Variants in PGM3 observed in about 807,000 individuals in gnomAD.
PGM3 encodes phosphoglucomutase 3.
Under a neutral mutation model 66.2 loss-of-function variants are expected in PGM3, and 40 were observed. The ratio of observed to expected loss-of-function variants is 0.60; its 90% CI spans 0.47 to 0.79. The LOEUF is 0.79. PGM3 is among the 30% of genes least tolerant of loss of function. The probability of loss-of-function intolerance (pLI) is 0.00; values close to 1 mark genes in which losing one functional copy is unlikely to be tolerated. For missense variants in PGM3, 537 were observed against 643.4 expected (o/e 0.83, Z 1.79); for synonymous variants, 191 against 224.2 (o/e 0.85, Z 1.32).
chr6:83,165,866 A>G lies in PGM3; in HGVS notation c.*3368T>C. 2 of 362,282 alleles carry G rather than the reference A, an allele frequency of 5.5e-6. No individual in the cohort carries two copies. The highest frequency in any genetic ancestry group is 2.9e-5 in the Admixed American group (1 of 34,956). 22.4% of individuals were successfully genotyped at this position (362,282 alleles called of 1,614,324 possible). Reference sequence around the variant, plus strand: ...TTGCAGTTTTTGGTGCATCTCATTGATTTGCTGAGCATACTTATCAGATGT... The same window carrying G: ...TTGCAGTTTTTGGTGCATCTCATTGGTTTGCTGAGCATACTTATCAGATGT... On this transcript the variant is annotated 3_prime_UTR_variant, in exon 13 of 13. Coordinates refer to ENST00000513973, the MANE Select transcript of PGM3 (RefSeq NM_015599.3).
chr6:83,157,390 TAGA>T, downstream of PGM3: 7 of 1,496,068 alleles, frequency 4.7e-6, no homozygotes, highest in Non-Finnish European at 6.5e-6. Context: ...ATGTGCTTAC[TAGA>T]TATTAACGAA....
Position 83,169,313 on chromosome 6 carries a change from T to C in PGM3, c.1550A>G (p.Asp517Gly). 6.2e-7 allele frequency: 1 copy of C among 1,613,276 alleles called. No individual in the cohort carries two copies. The highest frequency in any genetic ancestry group is 8.5e-7 in the Non-Finnish European group (1 of 1,179,246). ...CAAGCTCACTTCATGTGCAAGGTGA[T>C]CTGCACTTTCCTGCAAATTACATTA... ...YAEADSQESA[D>G]HLAHEVSLAV... is the part of the protein sequence containing the mutation. The change falls in exon 13 of 13, where the codon GAT becomes GGT. Residue 517 changes from aspartate to glycine, a missense_variant. Transcript: ENST00000513973.
Position 83,169,175 on chromosome 6 carries a change from T to C in PGM3, c.*59A>G. On this transcript the variant is annotated 3_prime_UTR_variant, in exon 13 of 13. Transcript: ENST00000513973. The stretch of plus-strand genomic sequence containing the variant: ...AAATCTCTTAGTACTGCCATTATTA[T>C]TGACAGTTTTGTAAAGACTTGTAAA... The C allele has an allele frequency of 2.5e-6, 4 of 1,598,800 alleles. No individual in the cohort carries two copies. Among genetic ancestry groups the C allele is most frequent in the South Asian group, 2.2e-5 (2 of 89,476 alleles).
chr6:83,183,177 G>T (rs956751826), intron 4 of PGM3, among the ~76,000 whole-genome samples, 199 bp from the exon 5 acceptor site: 2 of 152,016 alleles, frequency 1.3e-5, no homozygotes, highest in African/African-American at 4.8e-5. Flanking sequence ...ATATAAACAG[G>T]TAACAATGTA....
Position 83,193,259 on chromosome 6 carries a change from G to C in PGM3, c.-83C>G, listed in dbSNP as rs1050461723. 1.3e-5 allele frequency: 2 copies of C among 152,372 alleles called. No homozygotes were observed. Among genetic ancestry groups the C allele is most frequent in the Non-Finnish European group, 2.9e-5 (2 of 68,144 alleles). The allele number at this position is 152,372 out of a possible 1,614,324, so 9.4% of individuals were successfully genotyped here. A position where few individuals can be genotyped will look rare whatever the true frequency, so the allele number is the denominator to read the frequency against. ...CGTCTGCACCCAAACCCAGTCCTCA[G>C]AACCGCAGACGTGGCCCTGCGTGGC... On this transcript the variant is annotated 5_prime_UTR_variant, in exon 1 of 13. Transcript: ENST00000513973.
In PGM3 at chr6:83,166,525, C is replaced by CT; in HGVS notation, c.*2708dup. 1.5e-6 allele frequency: 1 copy of CT among 676,306 alleles called. No homozygotes were observed. Among genetic ancestry groups the CT allele is most frequent in the Non-Finnish European group, 2.7e-6 (1 of 376,200 alleles). 41.9% of individuals were successfully genotyped at this position (676,306 alleles called of 1,614,324 possible). On this transcript the variant is annotated 3_prime_UTR_variant, in exon 13 of 13. Coordinates refer to ENST00000513973, the MANE Select transcript of PGM3 (RefSeq NM_015599.3). ...TTTTGTCTAACATCATTTCCATAGTCTAAAATAAATATAAACAGCAATAAG... is the reference window on the plus strand; with the variant it reads ...TTTTGTCTAACATCATTTCCATAGTCTTAAAATAAATATAAACAGCAATAAG...
At chr6:83,149,352 C>G in the PGM3 span, among the ~76,000 whole-genome samples, 4 of 152,194 alleles carry the variant, frequency 2.6e-5, no homozygotes, top group East Asian at 5.8e-4. Context: ...TAGTCAGTCT[C>G]TCTTTCTTGC....
At chr6:83,164,657 C>G, downstream of PGM3, 1 of 1,571,124 alleles carries the variant, frequency 6.4e-7, no homozygotes, top group Non-Finnish European at 8.6e-7. Flanking sequence ...TTTCCTTCCA[C>G]AGGACAAGGA....
At chr6:83,163,063 T>A, downstream of PGM3, 1 of 799,382 alleles carries the variant, frequency 1.3e-6, no homozygotes, top group Non-Finnish European at 1.9e-6. Flanking sequence ...AGAGTTAATG[T>A]CCATAAGCCT....
intron 6 of PGM3, among the ~76,000 whole-genome samples, chr6:83,180,198 A>T (rs1162795750): frequency 6.6e-6 from 1 of 152,228 alleles, no homozygotes; most frequent in Non-Finnish European, 1.5e-5. Context: ...TAATACTACC[A>T]TAAAATTCCA....
chr6:83,191,176 G>A, intron 1 of PGM3, 162 bp from the exon 2 acceptor site: 3 of 1,526,312 alleles, frequency 2.0e-6, no homozygotes, highest in East Asian at 4.9e-5. Context: ...AGTCCTGTGG[G>A]TTAGAATTAC....
Position 83,168,220 on chromosome 6 carries a change from C to T in PGM3, c.*1014G>A, listed in dbSNP as rs1316377813. The T allele has an allele frequency of 5.8e-6, 9 of 1,556,838 alleles. No individual in the cohort carries two copies. In the Admixed American group the frequency reaches 1.3e-4, roughly 23 times the overall value. ...CATGTAAATGTAATTATTTAAAACA[C>T]ACACACTGCTCTGCGTTGTATAGTT... is the stretch of plus-strand genomic sequence containing the variant. On this transcript the variant is annotated 3_prime_UTR_variant, in exon 13 of 13. Transcript: ENST00000513973.
chr6:83,182,545 A>G (rs893410106), intron 5 of PGM3, among the ~76,000 whole-genome samples: 1 of 152,232 alleles, frequency 6.6e-6, no homozygotes, highest in Non-Finnish European at 1.5e-5. Context: ...CAGCACCTAC[A>G]TTAACTAAGA....
intron 1 of PGM3, among the ~76,000 whole-genome samples, chr6:83,192,263 T>A (rs541015404): frequency 6.6e-6 from 1 of 152,226 alleles, no homozygotes. Context: ...AGACTCCGTC[T>A]CAAAACAAAC....
intron 5 of PGM3, among the ~76,000 whole-genome samples, chr6:83,182,601 C>A (rs1398444118): frequency 6.6e-6 from 1 of 152,146 alleles, no homozygotes; most frequent in South Asian, 2.1e-4. Flanking sequence ...GTCAAGACCC[C>A]CACCATGTTT....
intron 2 of PGM3, chr6:83,190,473 A>C (rs564155731): frequency 2.2e-4 from 53 of 242,914 alleles, no homozygotes; most frequent in African/African-American, 1.1e-3. Flanking sequence ...TTCCCCACCC[A>C]ACCCCAATAT....
chr6:83,151,499 C>T, the PGM3 span: 1 of 875,408 alleles, frequency 1.1e-6, no homozygotes, highest in Non-Finnish European at 1.7e-6. Flanking sequence ...AAATCAAGAC[C>T]ATTAAGCCGC....
At chr6:83,180,298 C>T (rs895928532) in intron 6 of PGM3, among the ~76,000 whole-genome samples, 3 of 152,012 alleles carry the variant, frequency 2.0e-5, no homozygotes, top group African/African-American at 7.3e-5. Flanking sequence ...TACCTAGGAC[C>T]GTGATCTCCT....
downstream of PGM3, among the ~76,000 whole-genome samples, chr6:83,157,495 G>C (rs1002903796): frequency 5.3e-5 from 8 of 152,128 alleles, no homozygotes; most frequent in Admixed American, 4.6e-4. Flanking sequence ...TTTCCATACA[G>C]CTTAAATTTA....
Sources: allele counts gnomAD v4.1 joint callset (sites outside exome capture counted in the v4.1 genomes callset), GRCh38; gene constraint gnomAD v4.1.1; transcripts MANE v1.5; gene names NCBI Gene and HGNC (gene_info 2026-07-23, HGNC 2026-07-21).